The following BACE2 variants were observed in gnomAD, a reference collection of about 807,000 sequenced individuals.
The protein encoded by BACE2 is beta-secretase 2.
Under a neutral mutation model 46.2 loss-of-function variants are expected in BACE2, and 17 were observed. The ratio of observed to expected loss-of-function variants is 0.37; its 90% CI spans 0.25 to 0.55. The LOEUF (loss-of-function observed/expected upper bound fraction) is 0.55. Among genes scored for constraint, BACE2 ranks in the 20% least tolerant of loss-of-function variants. The pLI is 0.82. For synonymous variants in BACE2, 277 were observed against 295.9 expected (o/e 0.94, Z 0.66); for missense variants, 595 against 698.1 (o/e 0.85, Z 1.66).
chr21:41,183,366 A>G (rs1159359250), intron 1 of BACE2: 2 of 167,100 alleles, frequency 1.2e-5, no homozygotes, highest in East Asian at 1.9e-4. Flanking sequence ...TCTTTTATCT[A>G]TAAGCCAGTT....
At chr21:41,233,162 A>G (rs1404365577) in intron 2 of BACE2, among the ~76,000 whole-genome samples, 1 of 152,188 alleles carries the variant, frequency 6.6e-6, no homozygotes, top group Non-Finnish European at 1.5e-5. Context: ...ATTTTCTAAT[A>G]ATAACTCATA....
In BACE2 at chr21:41,241,935, C is replaced by T. The variant is rs780372032; in HGVS notation, c.735C>T (p.Asn245=). 2.7e-5 allele frequency: 44 copies of T among 1,613,974 alleles called. No homozygotes were observed. Among genetic ancestry groups the T allele is most frequent in the South Asian group, 1.9e-4 (17 of 91,074 alleles). ...AGLPVAGSGT[N]GGSLVLGGIE... Reference sequence around the variant, plus strand: ...TGCCCGTTGCTGGATCTGGGACCAACGGAGGTAGTCTTGTGGGTATCTTTT... The same window carrying T: ...TGCCCGTTGCTGGATCTGGGACCAATGGAGGTAGTCTTGTGGGTATCTTTT... Residue 245 remains asparagine, a synonymous_variant, in exon 4 of 9, where the codon AAC becomes AAT. Coordinates refer to ENST00000330333, the MANE Select transcript of BACE2 (RefSeq NM_012105.5).
At chr21:41,174,341 C>T (rs1455296203) in intron 1 of BACE2, among the ~76,000 whole-genome samples, 1 of 151,704 alleles carries the variant, frequency 6.6e-6, no homozygotes, top group Non-Finnish European at 1.5e-5. Flanking sequence ...CGGGGTTTCA[C>T]CATGTTGTCC....
intron 1 of BACE2, chr21:41,182,090 C>T (rs958813616): frequency 1.8e-5 from 3 of 167,070 alleles, no homozygotes; most frequent in African/African-American, 7.2e-5. Context: ...AAAGGAAGTA[C>T]TACAGTCAGG....
At chr21:41,227,701 T>G (rs1986859819) in intron 2 of BACE2, among the ~76,000 whole-genome samples, 1 of 152,186 alleles carries the variant, frequency 6.6e-6, no homozygotes, top group Non-Finnish European at 1.5e-5. Context: ...GGTTTATGGC[T>G]TCATGTGTTG....
intron 6 of BACE2, among the ~76,000 whole-genome samples, chr21:41,246,995 G>A (rs1446232010): frequency 6.6e-6 from 1 of 152,192 alleles, no homozygotes; most frequent in East Asian, 1.9e-4. Context: ...ACTTTTGGCT[G>A]CCTGAGTGTT....
intron 8 of BACE2, among the ~76,000 whole-genome samples, chr21:41,268,819 T>C (rs2088404660): frequency 6.6e-6 from 1 of 152,208 alleles, no homozygotes; most frequent in Admixed American, 6.5e-5. Flanking sequence ...ATTTTTATTA[T>C]ACACAGCACA....
intron 1 of BACE2, among the ~76,000 whole-genome samples, chr21:41,209,828 A>G (rs1223219611): frequency 1.3e-5 from 2 of 152,184 alleles, no homozygotes; most frequent in Non-Finnish European, 2.9e-5. Context: ...ATGAATGTGA[A>G]ACTCGCATCC....
chr21:41,255,501 C>G (rs1987756599), intron 7 of BACE2, among the ~76,000 whole-genome samples: 1 of 152,192 alleles, frequency 6.6e-6, no homozygotes, highest in African/African-American at 2.4e-5. Context: ...AAGAAAGCGT[C>G]CACACGGACG....
chr21:41,197,494 A>G lies in BACE2; in HGVS notation c.313-28772A>G, dbSNP rs534104426. Among the ~76,000 whole-genome samples the G allele has an allele frequency of 3.9e-5, 6 of 152,234 alleles. No individual in the cohort carries two copies. The South Asian group carries it at 1.2e-3, about 32-fold the overall frequency. ...AGAAGCGTAACATCTCCTGCTGTGG[A>G]GAGGTCTTCTGAGGATGATAGCTGT... On this transcript the variant is annotated intron_variant, in intron 1 of 8. Transcript: ENST00000330333.
intron 8 of BACE2, 110 bp from the exon 9 acceptor site, chr21:41,275,261 T>C: frequency 2.0e-6 from 3 of 1,465,586 alleles, no homozygotes; most frequent in Non-Finnish European, 2.8e-6. Context: ...CACTGGGACC[T>C]CAGTGGACTT....
At chr21:41,204,594 G>A (rs977953681) in intron 1 of BACE2, among the ~76,000 whole-genome samples, 5 of 152,322 alleles carry the variant, frequency 3.3e-5, no homozygotes, top group South Asian at 2.1e-4. Flanking sequence ...GCTGTCACAC[G>A]TATGTTGAAG....
intron 6 of BACE2, among the ~76,000 whole-genome samples, chr21:41,248,258 C>A (rs1273814156): frequency 6.6e-6 from 1 of 152,216 alleles, no homozygotes; most frequent in Non-Finnish European, 1.5e-5. Context: ...ACTCTGTGAT[C>A]TGAGGGTCGA....
chr21:41,225,364 G>A (rs535856560), intron 1 of BACE2: 3 of 152,202 alleles, frequency 2.0e-5, no homozygotes, highest in Admixed American at 1.3e-4. Flanking sequence ...ATTCATAGTA[G>A]CCTCAAAATG....
intron 1 of BACE2, among the ~76,000 whole-genome samples, chr21:41,198,243 G>A (rs143752228): frequency 1.8e-3 from 275 of 152,216 alleles, no homozygotes; most frequent in Middle Eastern, 6.8e-3. Context: ...TGCCCACCTC[G>A]GCCTCTCAAA....
chr21:41,172,330 G>C lies in BACE2; in HGVS notation c.312+3755G>C, dbSNP rs140576837. ...CAGGAGTCTGAGAAATAGTTTATAA[G>C]ATCAAGAGCTGACCTTGATTTCTTG... On this transcript the variant is annotated intron_variant, in intron 1 of 8. Transcript: ENST00000330333. 5.3e-3 allele frequency among the ~76,000 whole-genome samples: 807 copies of C among 152,334 alleles called. 9 individuals carry two copies. The highest frequency in any genetic ancestry group is 6.5e-3 in the Non-Finnish European group (440 of 68,022).
At chr21:41,223,664 G>A (rs889052740) in intron 1 of BACE2, among the ~76,000 whole-genome samples, 3 of 152,168 alleles carry the variant, frequency 2.0e-5, no homozygotes, top group African/African-American at 7.2e-5. Context: ...GATTATCTCT[G>A]TAAAGACCTT....
At chr21:41,178,490 C>T (rs1376527032) in intron 1 of BACE2, 1 of 152,320 alleles carries the variant, frequency 6.6e-6, no homozygotes, top group African/African-American at 2.4e-5. Flanking sequence ...TATCCCAGCA[C>T]TTTGGAAGGC....
chr21:41,195,194 G>C (rs79460404), intron 1 of BACE2, among the ~76,000 whole-genome samples: 10,482 of 152,342 alleles, frequency 0.069, 380 homozygotes, highest in Middle Eastern at 0.082. Flanking sequence ...GCAGAGGTGA[G>C]TGGTTGACAC....
Sources: gnomAD v4.1 joint callset for allele counts (sites outside exome capture counted in the v4.1 genomes callset) on GRCh38, gnomAD v4.1.1 for gene constraint, MANE v1.5 for transcripts, NCBI Gene and HGNC (gene_info 2026-07-23, HGNC 2026-07-21) for gene names.